Variants in CTNND2 observed in about 807,000 individuals in gnomAD.
CTNND2 encodes catenin delta 2, also known as catenin delta-2.
Under a neutral mutation model 144.4 loss-of-function variants are expected in CTNND2, and 22 were observed. The observed-to-expected ratio is 0.15, with a 90% CI of 0.11 to 0.22. The LOEUF (loss-of-function observed/expected upper bound fraction) is 0.22, where lower values mean the gene tolerates loss of function less well. CTNND2 is among the 10% of genes least tolerant of loss of function. CTNND2 has a pLI of 1.00. For missense variants in CTNND2, 1,353 were observed against 1,618.8 expected (o/e 0.84, Z 2.82); for synonymous variants, 751 against 695.6 (o/e 1.08, Z -1.25).
chr5:11,431,748 T>C (rs1763306256), intron 3 of CTNND2, among the ~76,000 whole-genome samples: 1 of 152,040 alleles, frequency 6.6e-6, no homozygotes, highest in Non-Finnish European at 1.5e-5. Flanking sequence ...GTTATTGCCA[T>C]ATGGAGTAAA....
At chr5:11,824,158 T>A (rs1370581426) in intron 1 of CTNND2, among the ~76,000 whole-genome samples, 1 of 151,834 alleles carries the variant, frequency 6.6e-6, no homozygotes, top group Middle Eastern at 3.4e-3. Flanking sequence ...ATTAAATGTT[T>A]AAAAAATTAT....
intron 9 of CTNND2, among the ~76,000 whole-genome samples, chr5:11,253,257 C>A (rs534157362): frequency 1.6e-4 from 24 of 152,288 alleles, no homozygotes; most frequent in African/African-American, 5.1e-4. Flanking sequence ...TTTGTCATGT[C>A]CTGCCTTTCT....
At chr5:11,692,595 G>C (rs2126651908) in intron 2 of CTNND2, among the ~76,000 whole-genome samples, 1 of 152,140 alleles carries the variant, frequency 6.6e-6, no homozygotes, top group Admixed American at 6.5e-5. Flanking sequence ...GGAAAACTAG[G>C]TCAACATTTT....
At chr5:11,675,803 ACT>A (rs942520167) in intron 2 of CTNND2, among the ~76,000 whole-genome samples, 2 of 149,512 alleles carry the variant, frequency 1.3e-5, no homozygotes, top group Non-Finnish European at 3.0e-5. Context: ...ATTTCCTTTC[ACT>A]CTTTTTTCTC....
chr5:11,098,909 A>G (rs969730362), intron 14 of CTNND2, among the ~76,000 whole-genome samples, 161 bp from the exon 15 acceptor site: 2 of 152,206 alleles, frequency 1.3e-5, no homozygotes, highest in Non-Finnish European at 2.9e-5. Context: ...AGGGATCACT[A>G]AAAGTGGAAG....
At chr5:11,172,799 C>T (rs566504906) in intron 11 of CTNND2, among the ~76,000 whole-genome samples, 1 of 152,238 alleles carries the variant, frequency 6.6e-6, no homozygotes, top group East Asian at 1.9e-4. Flanking sequence ...AGAGAACGTC[C>T]TCCTTGGAAA....
intron 3 of CTNND2, among the ~76,000 whole-genome samples, chr5:11,498,891 T>TC (rs1770251880): frequency 1.3e-5 from 2 of 152,192 alleles, no homozygotes; most frequent in African/African-American, 4.8e-5. Context: ...TATAAGTGGC[T>TC]CAAGCAGTCT....
intron 12 of CTNND2, among the ~76,000 whole-genome samples, chr5:11,130,259 A>AC (rs34644491): frequency 0.07 from 10,443 of 149,876 alleles, 766 homozygotes; most frequent in East Asian, 0.4. Context: ...TTCATACCAC[A>AC]CCCCCCCCAT....
rs1006598444 is a variant in CTNND2 at position 11,873,608 on chromosome 5, A to G, written c.37+30209T>C. Among the ~76,000 whole-genome samples, 6 of 152,250 alleles carry G rather than the reference A, an allele frequency of 3.9e-5. No individual in the cohort carries two copies. The South Asian group carries it at 6.2e-4, about 16-fold the overall frequency. On this transcript the variant is annotated intron_variant, in intron 1 of 21. Transcript: ENST00000304623. The stretch of plus-strand genomic sequence containing the variant: ...TAAGTCACCTCTCCGTTCTGAACCA[A>G]TTAAGAAATATCAGATGGAATTATA...
chr5:11,218,935 A>G (rs988905404), intron 10 of CTNND2, among the ~76,000 whole-genome samples: 6 of 152,154 alleles, frequency 3.9e-5, no homozygotes, highest in Non-Finnish European at 8.8e-5. Flanking sequence ...CATTTTCACC[A>G]CAGCTGTCCC....
At position 11,439,473 on chromosome 5, in the gene CTNND2, A is replaced by G. The variant is rs576036926; in HGVS notation, c.288-27404T>C. ...CTGTTAATGGAAGAAGATGTGATAA[A>G]TAAATGTGAATAGTTTCTTATTAAT... is the stretch of plus-strand genomic sequence containing the variant. On this transcript the variant is annotated intron_variant, in intron 3 of 21. Transcript: ENST00000304623. 1.4e-4 allele frequency among the ~76,000 whole-genome samples: 22 copies of G among 152,304 alleles called. No individual in the cohort carries two copies. In the South Asian group the frequency reaches 4.3e-3, roughly 30 times the overall value.
chr5:11,787,337 G>A (rs547052378), intron 1 of CTNND2, among the ~76,000 whole-genome samples: 3 of 152,184 alleles, frequency 2.0e-5, no homozygotes, highest in East Asian at 1.9e-4. Flanking sequence ...ATTTGAAAGC[G>A]AACATAAATC....
intron 3 of CTNND2, among the ~76,000 whole-genome samples, chr5:11,454,389 C>T (rs971703561): frequency 2.0e-5 from 3 of 151,784 alleles, no homozygotes; most frequent in African/African-American, 7.3e-5. Context: ...CACCGCACTT[C>T]GGCCTGGTGA....
At chr5:11,795,506 T>C (rs1396732398) in intron 1 of CTNND2, among the ~76,000 whole-genome samples, 2 of 152,092 alleles carry the variant, frequency 1.3e-5, no homozygotes, top group East Asian at 1.9e-4. Flanking sequence ...TGGGAGAAGA[T>C]AGGGGAGTAA....
chr5:11,479,867 T>A (rs754684977), intron 3 of CTNND2, among the ~76,000 whole-genome samples: 9 of 152,172 alleles, frequency 5.9e-5, no homozygotes, highest in Non-Finnish European at 1.3e-4. Context: ...TGGTTTAAGT[T>A]CTTATAAATT....
At chr5:11,127,028 C>T (rs1013483004) in intron 12 of CTNND2, among the ~76,000 whole-genome samples, 1 of 152,238 alleles carries the variant, frequency 6.6e-6, no homozygotes, top group Admixed American at 6.5e-5. Context: ...ATACCATCCA[C>T]GCACATCCGT....
At chr5:11,672,158 C>T (rs781737193) in intron 2 of CTNND2, among the ~76,000 whole-genome samples, 15 of 152,310 alleles carry the variant, frequency 9.8e-5, no homozygotes, top group Non-Finnish European at 1.8e-4. Context: ...CTGGAAGCTT[C>T]GTCCCAGAGG....
intron 11 of CTNND2, among the ~76,000 whole-genome samples, chr5:11,189,554 T>A (rs944498309): frequency 3.9e-5 from 6 of 152,230 alleles, no homozygotes; most frequent in African/African-American, 1.4e-4. Context: ...ATTTTCTTAA[T>A]AACATTTTAT....
chr5:11,606,122 A>T (rs1325403236), intron 2 of CTNND2, among the ~76,000 whole-genome samples: 1 of 152,178 alleles, frequency 6.6e-6, no homozygotes, highest in Non-Finnish European at 1.5e-5. Flanking sequence ...GAGCCAAGGA[A>T]TACAAGTGGA....
Sources: gnomAD v4.1 joint callset for allele counts (sites outside exome capture counted in the v4.1 genomes callset) on GRCh38, gnomAD v4.1.1 for gene constraint, MANE v1.5 for transcripts, NCBI Gene and HGNC (gene_info 2026-07-23, HGNC 2026-07-21) for gene names.